Variants in DIP2A observed in about 807,000 individuals in gnomAD.
DIP2A encodes disco-interacting protein 2 homolog A.
DIP2A carries 85 observed loss-of-function variants against 177.4 expected under a neutral mutation model. The observed-to-expected ratio is 0.48, with a 90% confidence interval of 0.40 to 0.57. The LOEUF is 0.57. Ranked by LOEUF, DIP2A falls within the 20% of genes least tolerant of loss-of-function variation. The probability of loss-of-function intolerance (pLI) is 0.00; values close to 1 mark genes in which losing one functional copy is unlikely to be tolerated. For synonymous variants in DIP2A, 886 were observed against 881.8 expected (o/e 1.00, Z -0.08); for missense variants, 1,791 against 2,100.2 (o/e 0.85, Z 2.88).
At chr21:46,531,122 G>T (rs146048527) in intron 9 of DIP2A, among the ~76,000 whole-genome samples, 15 of 152,112 alleles carry the variant, frequency 9.9e-5, no homozygotes, top group African/African-American at 3.6e-4. Flanking sequence ...GCCCCAGGAC[G>T]ATCACTGGCA....
At chr21:46,534,450 G>A in intron 12 of DIP2A, 135 bp from the exon 13 acceptor site, 1 of 847,100 alleles carries the variant, frequency 1.2e-6, no homozygotes, top group Non-Finnish European at 1.8e-6. Flanking sequence ...CATGTACCTG[G>A]GCTGCTGGTT....
At chr21:46,515,310 T>C (rs575503430) in intron 8 of DIP2A, among the ~76,000 whole-genome samples, 1 of 152,248 alleles carries the variant, frequency 6.6e-6, no homozygotes, top group South Asian at 2.1e-4. Flanking sequence ...CAGTTCTACA[T>C]TGTGGCTTGA....
rs369032226 is a variant in DIP2A at position 46,532,214 on chromosome 21, A to G, written c.1282A>G (p.Ile428Val). 2.5e-6 allele frequency: 4 copies of G among 1,613,916 alleles called. No individual in the cohort carries two copies. Among genetic ancestry groups the G allele is most frequent in the Non-Finnish European group, 3.4e-6 (4 of 1,179,846 alleles). ...CLLAELVPVP[I>V]EVPLTRKDAG... is the part of the protein sequence containing the mutation. ...CCTGGCAGAGCTGGTTCCTGTCCCCATAGAAGTGCCATTAACAAGAAAGGT... is the reference window on the plus strand; with the variant it reads ...CCTGGCAGAGCTGGTTCCTGTCCCCGTAGAAGTGCCATTAACAAGAAAGGT... The change falls in exon 10 of 38, where the codon ATA (isoleucine) becomes GTA (valine). Residue 428 changes from isoleucine (I) to valine (V), a missense_variant. Physicochemically the swap from Ile to Val is conservative, Grantham distance 29. Transcript: ENST00000417564.
chr21:46,555,948 A>C, intron 28 of DIP2A, 34 bp from the exon 29 acceptor site: 1 of 1,492,332 alleles, frequency 6.7e-7, no homozygotes, highest in Non-Finnish European at 9.4e-7. Context: ...TACATGTGGG[A>C]ACACTAATGT....
chr21:46,459,271 C>A lies in DIP2A; in HGVS notation c.91+49C>A, dbSNP rs377135933. On this transcript the variant is annotated intron_variant, in intron 1 of 37. Coordinates refer to ENST00000417564, the MANE Select transcript of DIP2A (RefSeq NM_015151.4). Reference sequence around the variant, plus strand: ...CCCCGCGACCCGCCCTCAGCCCGGTCCCCCGCGCAGCCCCTCACTCCGGGA... The same window carrying A: ...CCCCGCGACCCGCCCTCAGCCCGGTACCCCGCGCAGCCCCTCACTCCGGGA... The A allele has an allele frequency of 5.3e-4, 773 of 1,447,506 alleles. 11 individuals carry two copies. In the East Asian group the frequency reaches 0.019, roughly 36 times the overall value. 89.7% of individuals were successfully genotyped at this position (1,447,506 alleles called of 1,614,324 possible).
chr21:46,575,708 A>G, the DIP2A span, among the ~76,000 whole-genome samples: 2 of 152,126 alleles, frequency 1.3e-5, no homozygotes, highest in African/African-American at 2.4e-5. Context: ...AAGACTTATA[A>G]AATGAAAAGT....
At position 46,498,918 on chromosome 21, in the gene DIP2A, A is replaced by C; in HGVS notation, c.655+85A>C. The stretch of plus-strand genomic sequence containing the variant: ...CAGAGGAGCAGATGGAGGGCACCTG[A>C]GCCAGGCGCCACCCTGCAGACTTAG... On this transcript the variant is annotated intron_variant, in intron 5 of 37. Coordinates refer to ENST00000417564, the MANE Select transcript of DIP2A (RefSeq NM_015151.4). The surrounding 1 kb of genome is among the most constrained non-coding windows in gnomAD (Gnocchi z 4.3). 6.9e-7 allele frequency: 1 copy of C among 1,457,720 alleles called. No individual in the cohort carries two copies. The highest frequency in any genetic ancestry group is 9.1e-7 in the Non-Finnish European group (1 of 1,099,604). The allele number at this position is 1,457,720 out of a possible 1,614,324, so 90.3% of individuals were successfully genotyped here. A position where few individuals can be genotyped will look rare whatever the true frequency, so the allele number is the denominator to read the frequency against.
intron 27 of DIP2A, 36 bp from the exon 28 acceptor site, chr21:46,554,786 G>GGGGGGGGGGGGGCCCCCC: frequency 5.3e-6 from 8 of 1,519,004 alleles, no homozygotes; most frequent in Non-Finnish European, 7.1e-6. Context: ...AGCTTGAGAG[G>GGGGGGGGGGGGGCCCCCC]CCCCGCCCAC....
At chr21:46,544,814 C>A (rs981324369) in intron 18 of DIP2A, among the ~76,000 whole-genome samples, 14 of 151,952 alleles carry the variant, frequency 9.2e-5, no homozygotes, top group Non-Finnish European at 1.8e-4. Context: ...CCATGTGGAC[C>A]CGAGAGGGCA....
At chr21:46,512,066 C>T (rs1381412481) in intron 8 of DIP2A, among the ~76,000 whole-genome samples, 2 of 152,110 alleles carry the variant, frequency 1.3e-5, no homozygotes, top group African/African-American at 4.8e-5. Context: ...GCCCCTCACA[C>T]CCCTTCCACA....
chr21:46,480,460 A>G (rs1475723221), intron 1 of DIP2A, among the ~76,000 whole-genome samples: 2 of 152,182 alleles, frequency 1.3e-5, no homozygotes, highest in African/African-American at 4.8e-5. Context: ...ACACAGAGCC[A>G]GACCATATCA....
In DIP2A at chr21:46,541,911, A is replaced by G; in HGVS notation, c.2176+16A>G. 1 of 1,613,958 alleles carries G rather than the reference A, an allele frequency of 6.2e-7. No homozygotes were observed. The highest frequency in any genetic ancestry group is 8.5e-7 in the Non-Finnish European group (1 of 1,179,854). On this transcript the variant is annotated intron_variant, in intron 18 of 37. Coordinates refer to ENST00000417564, the MANE Select transcript of DIP2A (RefSeq NM_015151.4). ...ATGCCTGGAGGTAAGAGACATAACCAGAGTGGGTCTTTGTCCATGACTGAT... is the reference window on the plus strand; with the variant it reads ...ATGCCTGGAGGTAAGAGACATAACCGGAGTGGGTCTTTGTCCATGACTGAT...
chr21:46,563,827 T>C lies in DIP2A; in HGVS notation c.4090-31T>C, dbSNP rs1429161574. The C allele has an allele frequency of 6.2e-6, 10 of 1,609,740 alleles. No homozygotes were observed. Among genetic ancestry groups the C allele is most frequent in the African/African-American group, 2.7e-5 (2 of 74,732 alleles). On this transcript the variant is annotated intron_variant, in intron 34 of 37. Coordinates refer to ENST00000417564, the MANE Select transcript of DIP2A (RefSeq NM_015151.4). This position sits in a 1 kb window ranked among gnomAD's most constrained non-coding sequence, Gnocchi z 4.3. ...AAGAGAGTCTCGTGTCATGTTTTCT[T>C]TAACAAGGGACATAGCTCTCCTCCT...
chr21:46,528,527 C>CAT (rs2059207496), intron 8 of DIP2A, among the ~76,000 whole-genome samples: 13 of 29,406 alleles, frequency 4.4e-4, no homozygotes, highest in African/African-American at 2.0e-3. Flanking sequence ...TTTCTGCTTG[C>CAT]TTTTTTTTTT....
At chr21:46,572,188 C>G (rs1033055539), downstream of DIP2A, among the ~76,000 whole-genome samples, 44 of 152,106 alleles carry the variant, frequency 2.9e-4, no homozygotes, top group African/African-American at 1.0e-3. Flanking sequence ...ATGTTTTGCA[C>G]AGTTGTACAA....
intron 32 of DIP2A, among the ~76,000 whole-genome samples, chr21:46,560,441 G>C (rs2060625762): frequency 6.6e-6 from 1 of 152,240 alleles, no homozygotes; most frequent in African/African-American, 2.4e-5. Flanking sequence ...AGTGGGAATA[G>C]AAAGTTGTTA....
Position 46,563,568 on chromosome 21 carries a change from C to T in DIP2A, c.4090-290C>T, listed in dbSNP as rs974077838. 1.3e-5 allele frequency: 5 copies of T among 388,734 alleles called. No individual in the cohort carries two copies. The highest frequency in any genetic ancestry group is 1.1e-4 in the East Asian group (2 of 18,648). The allele number at this position is 388,734 out of a possible 1,614,324, so 24.1% of individuals were successfully genotyped here. On this transcript the variant is annotated intron_variant, in intron 34 of 37. Transcript: ENST00000417564. The surrounding 1 kb of genome is among the most constrained non-coding windows in gnomAD (Gnocchi z 4.3). ...GATGGATGCCCATCAGGTGCGCTGG[C>T]ATCACCTGGCTGATTGTCTTTGTAG...
chr21:46,502,737 C>T (rs1205557657), intron 5 of DIP2A, among the ~76,000 whole-genome samples: 1 of 152,066 alleles, frequency 6.6e-6, no homozygotes, highest in African/African-American at 2.4e-5. Context: ...TGTGAGCTAC[C>T]ATGTTGGCCC....
rs756061649 is a variant in DIP2A, at chr21:46,565,700, C to G, written c.4165-13C>G. On this transcript the variant is annotated splice_polypyrimidine_tract_variant and intron_variant, in intron 35 of 37. Transcript: ENST00000417564. ...TGGTAACACATCACATTCTTGTCCT[C>G]TGGGCCCACCAGATCTGGGTAAGCA... 24 of 1,610,870 alleles carry G rather than the reference C, an allele frequency of 1.5e-5. No homozygotes were observed. The highest frequency in any genetic ancestry group is 2.2e-5 in the South Asian group (2 of 90,696).
Sources: gnomAD v4.1 joint callset for allele counts (sites outside exome capture counted in the v4.1 genomes callset) on GRCh38, gnomAD v4.1.1 for gene constraint, Gnocchi (gnomAD v3.1) non-coding constraint, MANE v1.5 for transcripts, NCBI Gene and HGNC (gene_info 2026-07-23, HGNC 2026-07-21) for gene names.